SLC8A1: variants seen among roughly 807,000 people sequenced by gnomAD.
SLC8A1 encodes the protein sodium/calcium exchanger 1.
A neutral mutation model predicts 68.3 loss-of-function variants in SLC8A1; 18 were observed. The ratio of observed to expected loss-of-function variants is 0.26; its 90% CI spans 0.18 to 0.39. SLC8A1 has a LOEUF of 0.39. Ranked by LOEUF, SLC8A1 falls within the 10% of genes least tolerant of loss-of-function variation. SLC8A1 has a pLI of 1.00. For missense variants in SLC8A1, 985 were observed against 1,156.7 expected, an observed-to-expected ratio of 0.85 and a Z score of 2.15; for synonymous variants, 475 against 415.5, an observed-to-expected ratio of 1.14 and a Z score of -1.74.
intron 2 of SLC8A1, among the ~76,000 whole-genome samples, chr2:40,255,974 G>C (rs1399985693): frequency 6.6e-6 from 1 of 152,180 alleles, no homozygotes; most frequent in Non-Finnish European, 1.5e-5. Flanking sequence ...CCATGGTACA[G>C]AGGTGTCAGT....
At chr2:40,457,275 G>C (rs1183286936) in intron 1 of SLC8A1, among the ~76,000 whole-genome samples, 1 of 152,110 alleles carries the variant, frequency 6.6e-6, no homozygotes, top group African/African-American at 2.4e-5. Context: ...AGCTCCCTGG[G>C]GTGCTTTGTA....
chr2:40,246,760 G>A (rs928971675), intron 2 of SLC8A1, among the ~76,000 whole-genome samples: 1 of 152,124 alleles, frequency 6.6e-6, no homozygotes, highest in Non-Finnish European at 1.5e-5. Flanking sequence ...AGAACTCTCT[G>A]AAACAGAAAA....
At chr2:40,396,872 G>A (rs1377504539) in intron 2 of SLC8A1, among the ~76,000 whole-genome samples, 3 of 151,732 alleles carry the variant, frequency 2.0e-5, no homozygotes, top group African/African-American at 7.3e-5. Flanking sequence ...TTTTGGGTTG[G>A]TCTTCTAGCT....
At chr2:40,360,472 T>C (rs901574923) in intron 2 of SLC8A1, among the ~76,000 whole-genome samples, 5 of 152,226 alleles carry the variant, frequency 3.3e-5, no homozygotes, top group Admixed American at 6.5e-5. Context: ...GGTTATCCTC[T>C]ACCTTATTGA....
At chr2:40,424,934 A>G (rs1204542950) in intron 2 of SLC8A1, among the ~76,000 whole-genome samples, 2 of 151,916 alleles carry the variant, frequency 1.3e-5, no homozygotes, top group Non-Finnish European at 1.5e-5. Context: ...TGTAATAATT[A>G]TTACCATTAA....
At position 40,428,412 on chromosome 2, in the gene SLC8A1, AACAC is replaced by A. The variant is rs58231579; in HGVS notation, c.1808+57_1808+60del. 1.1e-3 allele frequency: 1,615 copies of A among 1,417,432 alleles called. 10 individuals are homozygous for A. The African/African-American group carries it at 0.025, about 22-fold the overall frequency. The allele number at this position is 1,417,432 out of a possible 1,614,324, so 87.8% of individuals were successfully genotyped here. On this transcript the variant is annotated intron_variant, in intron 2 of 7. Transcript: ENST00000406785. The stretch of plus-strand genomic sequence containing the variant: ...AATGATGCACAGACTCACATTCATA[AACAC>A]ACTGAACCACACACACACACACACA...
chr2:40,289,839 C>T (rs1022131234), intron 2 of SLC8A1, among the ~76,000 whole-genome samples: 7 of 150,834 alleles, frequency 4.6e-5, no homozygotes, highest in Non-Finnish European at 7.4e-5. Flanking sequence ...CCAGCTTAGG[C>T]GACAGAGCGA....
chr2:40,220,871 TC>T (rs901298713), intron 2 of SLC8A1, among the ~76,000 whole-genome samples: 1 of 151,558 alleles, frequency 6.6e-6, no homozygotes, highest in Non-Finnish European at 1.5e-5. Context: ...AATTTTTTTT[TC>T]TTCAAAAAAA....
rs560561494 is a variant in SLC8A1 at position 40,125,032 on chromosome 2, T to G, written c.2438-9403A>C. The stretch of plus-strand genomic sequence containing the variant: ...GTGAGATGGCAGGATTTCTTTTTGT[T>G]GCTTGCTTATTAACATTTTCTATTT... On this transcript the variant is annotated intron_variant, in intron 7 of 7. Transcript: ENST00000406785. Among the ~76,000 whole-genome samples, 22 of 152,378 alleles carry G rather than the reference T, an allele frequency of 1.4e-4. 1 individual carries two copies. In the East Asian group the frequency reaches 4.2e-3, roughly 29 times the overall value.
At chr2:40,232,627 T>C (rs1431347443) in intron 2 of SLC8A1, among the ~76,000 whole-genome samples, 1 of 149,990 alleles carries the variant, frequency 6.7e-6, no homozygotes, top group Non-Finnish European at 1.5e-5. Flanking sequence ...TACTTTAAGT[T>C]TTAGGGTACA....
exon 8 of SLC8A1, chr2:40,115,412 A>G (rs1291955108): frequency 1.9e-6 from 3 of 1,614,132 alleles, no homozygotes; most frequent in Non-Finnish European, 1.7e-6. Context: ...GCACCCCCAC[A>G]TTGATGAAAG....
intron 2 of SLC8A1, among the ~76,000 whole-genome samples, chr2:40,188,083 G>A (rs1455337951): frequency 1.3e-5 from 2 of 152,028 alleles, no homozygotes; most frequent in East Asian, 1.9e-4. Context: ...GTTGAAATAT[G>A]GCAAAATAGA....
chr2:40,329,979 A>T (rs1053512988), intron 2 of SLC8A1, among the ~76,000 whole-genome samples: 10 of 152,238 alleles, frequency 6.6e-5, no homozygotes, highest in African/African-American at 2.2e-4. Context: ...AAGACAGCCA[A>T]GCTATTTAAA....
chr2:40,437,242 G>A (rs536150723), intron 1 of SLC8A1, among the ~76,000 whole-genome samples: 6 of 152,044 alleles, frequency 3.9e-5, no homozygotes, highest in Non-Finnish European at 7.4e-5. Context: ...GTTTTCTGGG[G>A]ACAGAGAGCT....
intron 1 of SLC8A1, among the ~76,000 whole-genome samples, chr2:40,480,984 A>G (rs776882079): frequency 2.6e-5 from 4 of 152,102 alleles, no homozygotes; most frequent in Admixed American, 2.0e-4. Context: ...CCTTTTAATT[A>G]TAATGATATC....
At chr2:40,369,771 C>G (rs947853320) in intron 2 of SLC8A1, among the ~76,000 whole-genome samples, 1 of 151,738 alleles carries the variant, frequency 6.6e-6, no homozygotes, top group Non-Finnish European at 1.5e-5. Context: ...TGGCCAGAGC[C>G]AATTGAGGAA....
intron 2 of SLC8A1, among the ~76,000 whole-genome samples, chr2:40,261,791 C>G (rs1483086753): frequency 6.6e-6 from 1 of 152,122 alleles, no homozygotes; most frequent in Admixed American, 6.5e-5. Context: ...CATTTTCCTT[C>G]GCATGTCTTT....
chr2:40,266,495 A>G (rs2149116072), intron 2 of SLC8A1, among the ~76,000 whole-genome samples: 1 of 152,280 alleles, frequency 6.6e-6, no homozygotes, highest in South Asian at 2.1e-4. Context: ...TTCTTAGACC[A>G]TTGGAATGAG....
chr2:40,307,227 G>T (rs1287657816), intron 2 of SLC8A1, among the ~76,000 whole-genome samples: 1 of 151,424 alleles, frequency 6.6e-6, no homozygotes, highest in Non-Finnish European at 1.5e-5. Context: ...CTTAAAAAAG[G>T]AAGAAATCCC....
Sources: allele counts gnomAD v4.1 joint callset (sites outside exome capture counted in the v4.1 genomes callset), GRCh38; gene constraint gnomAD v4.1.1; transcripts MANE v1.5; gene names NCBI Gene and HGNC (gene_info 2026-07-23, HGNC 2026-07-21).